The following PCDH11Y variants were observed in gnomAD, a reference collection of about 807,000 sequenced individuals.
The protein encoded by PCDH11Y is protocadherin 11 Y-linked.
For missense variants in PCDH11Y, 12 were observed against 224.8 expected (o/e 0.05, Z 6.05); for synonymous variants, 9 against 83.6 (o/e 0.11, Z 4.87).
At chrY:5,500,204 A>G in intron 2 of PCDH11Y, among the ~76,000 whole-genome samples, 1 of 33,388 alleles carries the variant, frequency 3.0e-5, no homozygotes, top group African/African-American at 1.2e-4. Flanking sequence ...GAGTCTGTGC[A>G]GATTCAATGT....
At chrY:5,105,277 T>G, downstream of PCDH11Y, 1 of 220,797 alleles carries the variant, frequency 4.5e-6, no homozygotes, top group Non-Finnish European at 5.4e-6. Context: ...GAAAATAATT[T>G]TACTAGGTTT....
intron 1 of PCDH11Y, among the ~76,000 whole-genome samples, chrY:5,098,000 G>A: frequency 9.4e-5 from 3 of 31,813 alleles, no homozygotes; most frequent in African/African-American, 3.7e-4. Context: ...TTGTAATCAC[G>A]ATATTTGTTA....
At chrY:5,504,472 T>C in intron 3 of PCDH11Y, among the ~76,000 whole-genome samples, 1 of 25,904 alleles carries the variant, frequency 3.9e-5, no homozygotes, top group Non-Finnish European at 9.1e-5. Flanking sequence ...TCTAGACCTT[T>C]CCTCCTACCA....
intron 2 of PCDH11Y, among the ~76,000 whole-genome samples, chrY:5,432,201 C>T: frequency 3.1e-5 from 1 of 32,500 alleles, no homozygotes; most frequent in Non-Finnish European, 7.5e-5. Flanking sequence ...GTGTAATATT[C>T]TAATGCCATA....
chrY:5,384,551 C>G, intron 2 of PCDH11Y, among the ~76,000 whole-genome samples: 1 of 27,646 alleles, frequency 3.6e-5, no homozygotes, highest in Admixed American at 3.5e-4. Context: ...TTTTCTAGAA[C>G]AAATAAAAAG....
intron 2 of PCDH11Y, among the ~76,000 whole-genome samples, chrY:5,273,633 C>T: frequency 6.1e-5 from 2 of 32,910 alleles, no homozygotes; most frequent in Admixed American, 5.6e-4. Context: ...GTGGAGACCA[C>T]GTTTTACAGT....
intron 2 of PCDH11Y, 50 bp from the exon 4 acceptor site, chrY:5,501,006 CA>C (rs2053352209): frequency 5.0e-6 from 2 of 397,281 alleles, no homozygotes; most frequent in Admixed American, 1.5e-4. Context: ...CAGCATTAAG[CA>C]ATGATTCAGA....
intron 3 of PCDH11Y, among the ~76,000 whole-genome samples, chrY:5,510,750 T>C: frequency 3.2e-5 from 1 of 31,347 alleles, no homozygotes; most frequent in African/African-American, 1.3e-4. Context: ...CAGAAATGCC[T>C]CTTAAATTTG....
At chrY:5,627,874 G>A (rs2053508979) in intron 4 of PCDH11Y, among the ~76,000 whole-genome samples, 1 of 32,379 alleles carries the variant, frequency 3.1e-5, no homozygotes, top group Non-Finnish European at 7.6e-5. Flanking sequence ...ACAATTTTAA[G>A]GTAATATGCC....
chrY:5,261,278 A>G, intron 2 of PCDH11Y, among the ~76,000 whole-genome samples: 7 of 33,527 alleles, frequency 2.1e-4, no homozygotes, highest in African/African-American at 8.2e-4. Context: ...ATGTGGAAGC[A>G]AGTTTGGAAC....
At chrY:5,290,498 G>A in intron 2 of PCDH11Y, among the ~76,000 whole-genome samples, 1 of 32,647 alleles carries the variant, frequency 3.1e-5, no homozygotes, top group Non-Finnish European at 7.5e-5. Context: ...CTGTGCTTCT[G>A]GGATATGACT....
chrY:5,594,347 G>A, intron 4 of PCDH11Y, among the ~76,000 whole-genome samples: 7 of 32,203 alleles, frequency 2.2e-4, no homozygotes, highest in Admixed American at 5.6e-4. Flanking sequence ...CAAAGGTGGG[G>A]CTGCTGGGCT....
intron 3 of PCDH11Y, among the ~76,000 whole-genome samples, chrY:5,046,396 TG>T (rs2052639177): frequency 3.0e-5 from 1 of 33,291 alleles, no homozygotes; most frequent in South Asian, 6.9e-4. Context: ...GTGCCCCTGC[TG>T]GGGGGTGCCT....
At position 5,186,613 on chromosome Y, in the gene PCDH11Y, G is replaced by GAAGGTAACC. The variant is rs553450318; in HGVS notation, c.3129+85908_3129+85916dup. ...TCACTCACTGTCATGAGAACAGCAG[G>GAAGGTAACC]AAGGTAACCACCCCCATTATTAAAT... On this transcript the variant is annotated intron_variant, in intron 2 of 4. Transcript: ENST00000400457. Among the ~76,000 whole-genome samples, 6 of 31,654 alleles carry GAAGGTAACC rather than the reference G, an allele frequency of 1.9e-4. No homozygotes were observed. In the South Asian group the frequency reaches 3.8e-3, roughly 20 times the overall value. The allele number at this position is 31,654 out of a possible 37,273, so 84.9% of individuals were successfully genotyped here.
At chrY:5,337,772 A>G in intron 2 of PCDH11Y, 1 of 384,184 alleles carries the variant, frequency 2.6e-6, no homozygotes. Context: ...CATTGGGGGC[A>G]TTTCCTCAAT....
intron 2 of PCDH11Y, among the ~76,000 whole-genome samples, chrY:5,366,721 T>C: frequency 3.2e-5 from 1 of 30,914 alleles, no homozygotes; most frequent in Admixed American, 3.1e-4. Context: ...CTAAATTCTT[T>C]TCTTTTTTTT....
intron 2 of PCDH11Y, among the ~76,000 whole-genome samples, chrY:5,219,190 C>T (rs2124652181): frequency 3.0e-5 from 1 of 33,642 alleles, no homozygotes; most frequent in Admixed American, 2.8e-4. Context: ...ACGTAGATAT[C>T]CCATTAGCAT....
At chrY:5,142,252 C>T in intron 2 of PCDH11Y, among the ~76,000 whole-genome samples, 6 of 32,227 alleles carry the variant, frequency 1.9e-4, no homozygotes, top group African/African-American at 7.3e-4. Context: ...ACTAAAAAGT[C>T]AGGAAATCAA....
chrY:5,001,616 G>C (rs2052530666), intron 1 of PCDH11Y, among the ~76,000 whole-genome samples: 1 of 33,952 alleles, frequency 2.9e-5, no homozygotes, highest in Admixed American at 2.6e-4. Flanking sequence ...TTTAAAAGAG[G>C]TTCATCGGAA....
Sources: allele counts gnomAD v4.1 joint callset (sites outside exome capture counted in the v4.1 genomes callset), GRCh38; gene constraint gnomAD v4.1.1; transcripts MANE v1.5; gene names NCBI Gene and HGNC (gene_info 2026-07-23, HGNC 2026-07-21).